The following IQSEC1 variants were observed in gnomAD, a reference collection of about 807,000 sequenced individuals.
IQSEC1 encodes the protein IQ motif and Sec7 domain ArfGEF 1, also known as IQ motif and SEC7 domain-containing protein 1.
In IQSEC1, 31 loss-of-function variants were observed where a neutral mutation model predicts 91.0. That is an observed-to-expected ratio of 0.34 (90% confidence interval 0.26 to 0.46). The LOEUF (loss-of-function observed/expected upper bound fraction) is 0.46, where lower values mean the gene tolerates loss of function less well. IQSEC1 is among the 20% of genes least tolerant of loss of function. The probability of loss-of-function intolerance (pLI) is 1.00; values close to 1 mark genes in which losing one functional copy is unlikely to be tolerated. For synonymous variants in IQSEC1, 699 were observed against 662.6 expected (o/e 1.05, Z -0.84); for missense variants, 1,388 against 1,575.6 (o/e 0.88, Z 2.02).
intron 1 of IQSEC1, among the ~76,000 whole-genome samples, chr3:13,245,435 C>G (rs997576980): frequency 6.6e-6 from 1 of 152,208 alleles, no homozygotes; most frequent in Non-Finnish European, 1.5e-5. Flanking sequence ...AAGGGCTCCA[C>G]CTCTGGATGG....
intron 1 of IQSEC1, among the ~76,000 whole-genome samples, chr3:13,064,279 T>G (rs148429891): frequency 6.6e-6 from 1 of 152,310 alleles, no homozygotes; most frequent in Non-Finnish European, 1.5e-5. Context: ...AAAGATCCCT[T>G]GTCCAGCACC....
chr3:13,054,742 T>C (rs1704814109), intron 1 of IQSEC1, among the ~76,000 whole-genome samples: 1 of 152,146 alleles, frequency 6.6e-6, no homozygotes, highest in Non-Finnish European at 1.5e-5. Flanking sequence ...CACCTTGTGG[T>C]CTCATTCCAT....
intron 2 of IQSEC1, among the ~76,000 whole-genome samples, chr3:13,079,753 A>G (rs1705620557): frequency 6.6e-6 from 1 of 152,230 alleles, no homozygotes; most frequent in Admixed American, 6.5e-5. Context: ...AAGCGGGCTC[A>G]CTGTCACACA....
chr3:12,984,227 G>C (rs1190493272), intron 1 of IQSEC1, among the ~76,000 whole-genome samples: 4 of 152,176 alleles, frequency 2.6e-5, no homozygotes, highest in Admixed American at 2.6e-4. Context: ...AGAGTCCCTG[G>C]AGGGAGATTC....
chr3:13,160,136 C>T (rs371014278), intron 2 of IQSEC1, among the ~76,000 whole-genome samples: 5 of 152,202 alleles, frequency 3.3e-5, no homozygotes, highest in East Asian at 3.9e-4. Context: ...AAGTAGTGAG[C>T]GTGAATTCAC....
chr3:13,161,058 G>A lies in IQSEC1; in HGVS notation c.302+3046C>T, dbSNP rs1172578570. On this transcript the variant is annotated intron_variant, in intron 2 of 15. Transcript: ENST00000648114. ...GCCATGGGGGCTCTGAGAAAGGAAGGGATCTTCGGGGGGTGGAGTGGAGCA... is the reference window on the plus strand; with the variant it reads ...GCCATGGGGGCTCTGAGAAAGGAAGAGATCTTCGGGGGGTGGAGTGGAGCA... Among the ~76,000 whole-genome samples the A allele has an allele frequency of 3.9e-5, 6 of 152,308 alleles. No individual in the cohort carries two copies. In the South Asian group the frequency reaches 6.2e-4, roughly 16 times the overall value.
Position 12,901,037 on chromosome 3 carries a change from CGGGGCAG to C in IQSEC1, c.3284_3290del (p.Pro1095ArgfsTer23). The C allele has an allele frequency of 8.9e-7, 1 of 1,118,018 alleles. No homozygotes were observed. Among genetic ancestry groups the C allele is most frequent in the Admixed American group, 2.2e-5 (1 of 45,266 alleles). The allele number at this position is 1,118,018 out of a possible 1,614,324, so 69.3% of individuals were successfully genotyped here. A position where few individuals can be genotyped will look rare whatever the true frequency, so the allele number is the denominator to read the frequency against. ...TGGCCTTGCTGCTGGTGGGGGGCGG[CGGGGCAG>C]GGGGCTGCCCATGGTGGTGCACTGT... On this transcript the variant is annotated frameshift_variant, in exon 14 of 14. Transcript: ENST00000613206. LOFTEE classifies it high-confidence loss of function.
At chr3:13,237,896 G>C (rs1203997045) in intron 1 of IQSEC1, among the ~76,000 whole-genome samples, 1 of 152,198 alleles carries the variant, frequency 6.6e-6, no homozygotes, top group African/African-American at 2.4e-5. Context: ...GCCCAGGCAG[G>C]GGGCGGGCCG....
At chr3:13,124,716 C>T (rs1032103751) in intron 2 of IQSEC1, among the ~76,000 whole-genome samples, 7 of 152,158 alleles carry the variant, frequency 4.6e-5, no homozygotes, top group South Asian at 2.1e-4. Context: ...TCGGGGGCCC[C>T]GCCCATCAGA....
At chr3:13,096,492 G>A (rs1032522999) in intron 2 of IQSEC1, among the ~76,000 whole-genome samples, 30 of 152,224 alleles carry the variant, frequency 2.0e-4, no homozygotes, top group African/African-American at 7.0e-4. Context: ...AAGTATTTGG[G>A]GGGCATAGAG....
chr3:13,084,014 C>T (rs1049109330), intron 2 of IQSEC1, among the ~76,000 whole-genome samples: 1 of 152,174 alleles, frequency 6.6e-6, no homozygotes, highest in Non-Finnish European at 1.5e-5. Flanking sequence ...GAGGGGAGGG[C>T]GGAAGGCCAT....
At chr3:13,066,441 A>G (rs943086054) in intron 1 of IQSEC1, among the ~76,000 whole-genome samples, 1 of 152,198 alleles carries the variant, frequency 6.6e-6, no homozygotes. Flanking sequence ...CGGGAGCTCT[A>G]TGAGGGGGCC....
chr3:13,264,203 C>G (rs934645038), intron 1 of IQSEC1, among the ~76,000 whole-genome samples: 6 of 152,330 alleles, frequency 3.9e-5, no homozygotes, highest in Admixed American at 3.3e-4. Flanking sequence ...CTCCCAGCCT[C>G]CAGTTCAGGC....
intron 12 of IQSEC1, among the ~76,000 whole-genome samples, chr3:12,905,689 C>T (rs368989949): frequency 1.3e-5 from 2 of 152,254 alleles, no homozygotes; most frequent in African/African-American, 4.8e-5. Context: ...CTGCTTCACA[C>T]GTGGCAGGGG....
In IQSEC1 at chr3:12,936,334, C is replaced by G; in HGVS notation, c.682G>C (p.Ala228Pro). 1 of 1,609,092 alleles carries G rather than the reference C, an allele frequency of 6.2e-7. No homozygotes were observed. ...AGTGATTTCACTTGCCTAGAGAAGG[C>G]GTCCTCCAGCTCGGTGATGGCGTCC... Reference protein sequence around the residue: ...FADAITELEDAFSRQVKSLAE... With the variant: ...FADAITELEDPFSRQVKSLAE... The change falls in exon 3 of 14, where the codon GCC becomes CCC. Residue 228 changes from alanine to proline, a missense_variant. Transcript: ENST00000613206.
At chr3:13,251,916 GT>G (rs1334193101) in intron 1 of IQSEC1, among the ~76,000 whole-genome samples, 1 of 152,174 alleles carries the variant, frequency 6.6e-6, no homozygotes, top group Non-Finnish European at 1.5e-5. Context: ...AAAGAAATGA[GT>G]TTCTGACCTC....
At chr3:13,137,086 T>C (rs1485792421) in intron 2 of IQSEC1, among the ~76,000 whole-genome samples, 2 of 152,124 alleles carry the variant, frequency 1.3e-5, no homozygotes, top group African/African-American at 2.4e-5. Flanking sequence ...CAGTGAGCCA[T>C]GATCCTGCCG....
chr3:12,929,476 C>T (rs563249949), intron 3 of IQSEC1, among the ~76,000 whole-genome samples: 1 of 152,302 alleles, frequency 6.6e-6, no homozygotes, highest in Non-Finnish European at 1.5e-5. Context: ...ATGCAAAAGC[C>T]TTGACAGGTA....
At chr3:13,268,884 A>G (rs1295512897) in intron 1 of IQSEC1, among the ~76,000 whole-genome samples, 1 of 152,208 alleles carries the variant, frequency 6.6e-6, no homozygotes, top group Admixed American at 6.5e-5. Context: ...CCAGGCCCCC[A>G]GTGGTAACAA....
Sources: gnomAD v4.1 joint callset for allele counts (sites outside exome capture counted in the v4.1 genomes callset) on GRCh38, gnomAD v4.1.1 for gene constraint, MANE v1.5 for transcripts, NCBI Gene and HGNC (gene_info 2026-07-23, HGNC 2026-07-21) for gene names.